LRP5: variants seen among roughly 807,000 people sequenced by gnomAD.
LRP5 encodes the protein low-density lipoprotein receptor-related protein 5.
Under a neutral mutation model 154.1 loss-of-function variants are expected in LRP5, and 62 were observed. That is an observed-to-expected ratio of 0.40 (90% CI 0.33 to 0.50). LRP5 has a LOEUF of 0.50. LRP5 is among the 20% of genes least tolerant of loss of function. LRP5 has a pLI of 0.55. For synonymous variants in LRP5, 966 were observed against 1,011.5 expected (o/e 0.96, Z 0.85); for missense variants, 1,915 against 2,336.7 (o/e 0.82, Z 3.72).
At position 68,348,368 on chromosome 11, in the gene LRP5, G is replaced by A. The variant is rs551250526; in HGVS notation, c.488+125G>A. 3.4e-5 allele frequency: 44 copies of A among 1,305,520 alleles called. 1 individual carries two copies. Among genetic ancestry groups the A allele is most frequent in the Non-Finnish European group, 4.5e-5 (42 of 943,816 alleles). 80.9% of individuals were successfully genotyped at this position (1,305,520 alleles called of 1,614,324 possible). A position where few individuals can be genotyped will look rare whatever the true frequency, so the allele number is the denominator to read the frequency against. ...TGTGACTCTGAAAATGAACCCGTGG[G>A]GGGGTTGGCTCAGGCCTGTAACCCC... On this transcript the variant is annotated intron_variant, in intron 2 of 22. Transcript: ENST00000294304.
At chr11:68,318,921 G>C (rs2098595076) in intron 1 of LRP5, among the ~76,000 whole-genome samples, 1 of 152,156 alleles carries the variant, frequency 6.6e-6, no homozygotes, top group Non-Finnish European at 1.5e-5. Context: ...AGAACCAGCT[G>C]ATTCCAATCT....
chr11:68,330,276 G>A (rs2098602011), intron 1 of LRP5, among the ~76,000 whole-genome samples: 1 of 151,222 alleles, frequency 6.6e-6, no homozygotes, highest in Admixed American at 6.6e-5. Context: ...ACTGCAATGA[G>A]ATACAGACGT....
chr11:68,301,360 G>A, the LRP5 span, among the ~76,000 whole-genome samples: 1 of 148,772 alleles, frequency 6.7e-6, no homozygotes, highest in Non-Finnish European at 1.5e-5. Flanking sequence ...TGTGGTCCCA[G>A]CTACTTTGGG....
the LRP5 span, among the ~76,000 whole-genome samples, chr11:68,305,540 G>A: frequency 3.3e-5 from 5 of 152,130 alleles, no homozygotes; most frequent in African/African-American, 4.8e-5. Context: ...CCTCCCGGGC[G>A]CAAGTGATTC....
At chr11:68,370,236 T>TGCTCGTG (rs2098633283) in intron 5 of LRP5, among the ~76,000 whole-genome samples, 1 of 152,158 alleles carries the variant, frequency 6.6e-6, no homozygotes, top group African/African-American at 2.4e-5. Flanking sequence ...GGGGACTGGC[T>TGCTCGTG]GCTCGTGGCT....
At chr11:68,365,779 C>A in intron 5 of LRP5, 77 bp downstream of exon 5, 1 of 1,408,682 alleles carries the variant, frequency 7.1e-7, no homozygotes, top group Non-Finnish European at 9.5e-7. Flanking sequence ...CCGGGGGTGC[C>A]CCAGAAGGAA....
At chr11:68,313,696 C>G (rs1370605988) in intron 1 of LRP5, among the ~76,000 whole-genome samples, 1 of 152,230 alleles carries the variant, frequency 6.6e-6, no homozygotes, top group Non-Finnish European at 1.5e-5. Context: ...TTCGGATGTG[C>G]GTGTTTTGTT....
intron 3 of LRP5, among the ~76,000 whole-genome samples, chr11:68,363,084 A>G (rs867947182): frequency 2.0e-5 from 3 of 152,218 alleles, no homozygotes; most frequent in Admixed American, 6.5e-5. Context: ...GCCAAGTTTC[A>G]TTTACTCTGA....
chr11:68,360,994 C>A (rs1192706750), intron 3 of LRP5, among the ~76,000 whole-genome samples: 1 of 30,766 alleles, frequency 3.3e-5, no homozygotes, highest in Non-Finnish European at 5.4e-5. Context: ...AAGACTCTAT[C>A]TCAAAAAAAA....
intron 5 of LRP5, among the ~76,000 whole-genome samples, chr11:68,383,785 T>C (rs1414765903): frequency 6.6e-6 from 1 of 152,146 alleles, no homozygotes; most frequent in Admixed American, 6.6e-5. Flanking sequence ...AGGAACAGCT[T>C]TCCTGAGGAG....
At chr11:68,368,847 C>CTTTTTTTTTTTTTTTTTTTTTTTTTTT (rs1158183018) in intron 5 of LRP5, among the ~76,000 whole-genome samples, 1 of 132,206 alleles carries the variant, frequency 7.6e-6, no homozygotes, top group Non-Finnish European at 1.6e-5. Context: ...TGAAGGATAT[C>CTTTTTTTTTTTTTTTTTTTTTTTTTTT]TTTTTTTTTT....
chr11:68,381,857 C>T (rs916373232), intron 5 of LRP5, among the ~76,000 whole-genome samples: 29 of 152,342 alleles, frequency 1.9e-4, no homozygotes, highest in Admixed American at 7.8e-4. Context: ...GGCTGCTGCC[C>T]GGACCTCTCT....
intron 2 of LRP5, among the ~76,000 whole-genome samples, chr11:68,351,758 G>A (rs1373446459): frequency 1.3e-5 from 2 of 152,208 alleles, no homozygotes; most frequent in Admixed American, 1.3e-4. Flanking sequence ...ATTTGAAAGG[G>A]ACGTGTGCGT....
At chr11:68,312,408 G>C (rs550473347), upstream of LRP5, among the ~76,000 whole-genome samples, 2 of 150,938 alleles carry the variant, frequency 1.3e-5, no homozygotes, top group Admixed American at 1.3e-4. Context: ...GCACCTCCAG[G>C]GCAGGGCGGG....
the LRP5 span, among the ~76,000 whole-genome samples, chr11:68,300,705 G>A: frequency 6.7e-6 from 1 of 149,398 alleles, no homozygotes; most frequent in Non-Finnish European, 1.5e-5. Context: ...GGCCGGGGGA[G>A]GTCCATGGTC....
chr11:68,374,825 G>A (rs573443592), intron 5 of LRP5, among the ~76,000 whole-genome samples: 11 of 152,320 alleles, frequency 7.2e-5, no homozygotes, highest in Non-Finnish European at 1.5e-4. Context: ...GATGCAAGAG[G>A]AGAGGGGCGC....
At chr11:68,360,111 A>G (rs2098626533) in intron 3 of LRP5, among the ~76,000 whole-genome samples, 1 of 151,150 alleles carries the variant, frequency 6.6e-6, no homozygotes, top group Non-Finnish European at 1.5e-5. Flanking sequence ...TCTTGGGCTC[A>G]AGTGTTCCTC....
intron 5 of LRP5, among the ~76,000 whole-genome samples, chr11:68,377,180 G>T (rs1256170347): frequency 6.6e-6 from 1 of 152,158 alleles, no homozygotes; most frequent in Non-Finnish European, 1.5e-5. Context: ...GGCAGGCAGT[G>T]GGGGGCCACA....
At chr11:68,427,181 G>C (rs1369156519) in intron 16 of LRP5, among the ~76,000 whole-genome samples, 1 of 152,178 alleles carries the variant, frequency 6.6e-6, no homozygotes, top group African/African-American at 2.4e-5. Context: ...ATAAGGTCAT[G>C]ACGCCGTGCT....
Sources: gnomAD v4.1 joint callset for allele counts (sites outside exome capture counted in the v4.1 genomes callset) on GRCh38, gnomAD v4.1.1 for gene constraint, MANE v1.5 for transcripts, NCBI Gene and HGNC (gene_info 2026-07-23, HGNC 2026-07-21) for gene names.